The following SRP72 variants were observed in gnomAD, a reference collection of about 807,000 sequenced individuals.
SRP72 encodes signal recognition particle subunit SRP72.
SRP72 carries 49 observed loss-of-function variants against 96.3 expected under a neutral mutation model. The ratio of observed to expected loss-of-function variants is 0.51; its 90% confidence interval spans 0.40 to 0.65. The LOEUF is 0.65. SRP72 is among the 30% of genes least tolerant of loss of function. The probability of loss-of-function intolerance (pLI) is 0.00; values close to 1 mark genes in which losing one functional copy is unlikely to be tolerated. For synonymous variants in SRP72, 267 were observed against 275.2 expected (o/e 0.97, Z 0.30); for missense variants, 736 against 793.3 (o/e 0.93, Z 0.87).
intron 16 of SRP72, chr4:56,491,798 T>A (rs1578193846): frequency 2.6e-6 from 1 of 391,496 alleles, no homozygotes; most frequent in East Asian, 4.4e-5. Flanking sequence ...TTTCTTTGTG[T>A]TTACACACAC....
At chr4:56,495,767 C>G (rs912610205) in intron 17 of SRP72, among the ~76,000 whole-genome samples, 3 of 152,136 alleles carry the variant, frequency 2.0e-5, no homozygotes, top group African/African-American at 7.2e-5. Context: ...GATGTTTCTG[C>G]TACACATAAC....
intron 16 of SRP72, 194 bp downstream of exon 16, chr4:56,491,762 T>G (rs1455667231): frequency 4.3e-6 from 2 of 461,884 alleles, no homozygotes; most frequent in African/African-American, 4.0e-5. Context: ...CCTCTGGTAT[T>G]AATTTAATCT....
chr4:56,485,132 G>C (rs982126795), intron 10 of SRP72, among the ~76,000 whole-genome samples: 1 of 152,018 alleles, frequency 6.6e-6, no homozygotes, highest in Non-Finnish European at 1.5e-5. Context: ...CCTGAGTTAG[G>C]GGATCATTTA....
At chr4:56,479,273 G>A (rs920644285) in intron 8 of SRP72, among the ~76,000 whole-genome samples, 5 of 151,886 alleles carry the variant, frequency 3.3e-5, no homozygotes, top group Non-Finnish European at 7.4e-5. Context: ...TCCGCCTCCC[G>A]CGTTCACGCC....
chr4:56,468,175 G>A (rs1036965617), intron 1 of SRP72, among the ~76,000 whole-genome samples: 1 of 152,188 alleles, frequency 6.6e-6, no homozygotes, highest in African/African-American at 2.4e-5. Context: ...GCCGCTAAAG[G>A]GGGAGGAACC....
At chr4:56,490,104 T>G (rs1175283485) in intron 13 of SRP72, among the ~76,000 whole-genome samples, 1 of 152,160 alleles carries the variant, frequency 6.6e-6, no homozygotes, top group African/African-American at 2.4e-5. Flanking sequence ...TAAATAGATA[T>G]AGGTTGTTTT....
intron 11 of SRP72, 28 bp downstream of exon 11, chr4:56,486,425 T>C (rs1007060233): frequency 6.5e-7 from 1 of 1,534,324 alleles, no homozygotes; most frequent in African/African-American, 1.4e-5. Context: ...ATGATTAAAA[T>C]ATTTTAATGA....
chr4:56,490,176 C>T (rs1351969441), intron 13 of SRP72, among the ~76,000 whole-genome samples, 157 bp from the exon 14 acceptor site: 1 of 152,158 alleles, frequency 6.6e-6, no homozygotes, highest in East Asian at 1.9e-4. Context: ...CTTTCCTCTA[C>T]ATGTGTGGAT....
chr4:56,469,875 GT>G (rs1578172828), intron 2 of SRP72, 102 bp downstream of exon 2: 3 of 1,141,248 alleles, frequency 2.6e-6, no homozygotes, highest in African/African-American at 1.8e-5. Context: ...TTTTTTTAAC[GT>G]TTTTTTCCTT....
chr4:56,476,803 C>A, intron 6 of SRP72, 101 bp downstream of exon 6: 2 of 1,219,222 alleles, frequency 1.6e-6, no homozygotes, highest in Non-Finnish European at 2.3e-6. Context: ...TAGAAGATGG[C>A]AATTCATTAA....
intron 6 of SRP72, among the ~76,000 whole-genome samples, chr4:56,478,043 G>T (rs1053878872): frequency 6.6e-6 from 1 of 151,948 alleles, no homozygotes. Context: ...ATACTTCCAT[G>T]CTTGTTTTTT....
rs781766548 is a variant in SRP72, at chr4:56,478,662, TG to T, written c.825+14del. On this transcript the variant is annotated intron_variant, in intron 8 of 18. Transcript: ENST00000642900. ...TACCATTAACAAGGTATGGAGTATT[TG>T]TGCTTTCCATAGATATATTTTACCC... The T allele has an allele frequency of 3.1e-6, 5 of 1,610,632 alleles. No individual in the cohort carries two copies. The highest frequency in any genetic ancestry group is 4.2e-6 in the Non-Finnish European group (5 of 1,178,390).
Position 56,484,770 on chromosome 4 carries a change from A to G in SRP72, c.992A>G (p.Gln331Arg), listed in dbSNP as rs1029513210. The change falls in exon 10 of 19, where the codon CAG becomes CGG. Residue 331 changes from glutamine to arginine, a missense_variant. Physicochemically the swap from Gln to Arg is conservative, Grantham distance 43. Around this residue, in one of 3 missense-constraint regions of SRP72, gnomAD observed 388 missense variants for 431.8 expected, o/e 0.90. Transcript: ENST00000642900. ...TGCCGCAAAATATCTGCCAGTTTAC[A>G]GTCCCAAAGTCCCGAGCATCTCTTA... ...EQCRKISASL[Q>R]SQSPEHLLPV... is the part of the protein sequence containing the mutation. 8.1e-6 allele frequency: 13 copies of G among 1,614,182 alleles called. No individual in the cohort carries two copies. The highest frequency in any genetic ancestry group is 1.1e-5 in the Non-Finnish European group (13 of 1,180,038).
chr4:56,482,710 G>C (rs1362220204), intron 8 of SRP72, among the ~76,000 whole-genome samples: 1 of 152,146 alleles, frequency 6.6e-6, no homozygotes, highest in East Asian at 1.9e-4. Flanking sequence ...AAATTGCCAA[G>C]TTAGGTATTT....
At chr4:56,468,487 A>G (rs1291520647) in intron 1 of SRP72, among the ~76,000 whole-genome samples, 4 of 150,392 alleles carry the variant, frequency 2.7e-5, no homozygotes, top group Non-Finnish European at 5.9e-5. Flanking sequence ...GAATATGGCC[A>G]TGCTGCTTAA....
chr4:56,501,504 A>C (rs540580746), intron 18 of SRP72, among the ~76,000 whole-genome samples, 180 bp from the exon 19 acceptor site: 31 of 152,288 alleles, frequency 2.0e-4, no homozygotes, highest in African/African-American at 6.5e-4. Context: ...TTTCTTCAAT[A>C]AAAACAGTGA....
chr4:56,479,398 C>T (rs566887945), intron 8 of SRP72, among the ~76,000 whole-genome samples: 1 of 152,224 alleles, frequency 6.6e-6, no homozygotes, highest in Non-Finnish European at 1.5e-5. Flanking sequence ...CCAGGATGTT[C>T]TCATTCTCCC....
rs1182817121 is a variant in SRP72, at chr4:56,474,121, A to C, written c.422A>C (p.Asp141Ala). 6.2e-7 allele frequency: 1 copy of C among 1,614,190 alleles called. No homozygotes were observed. The highest frequency in any genetic ancestry group is 1.7e-5 in the Admixed American group (1 of 60,030). The change falls in exon 4 of 19, where the codon GAT (aspartate) becomes GCT (alanine). Residue 141 changes from aspartate to alanine, a missense_variant. Physicochemically the swap from Asp to Ala is moderately radical, Grantham distance 126. Transcript: ENST00000642900. The part of the protein sequence containing the change: ...VYRDLVRNSQ[D>A]DYDEERKTNL... The stretch of plus-strand genomic sequence containing the variant: ...AGAGATCTCGTCCGAAACTCCCAAG[A>C]TGATTATGATGAGGAGAGGAAAACA...
intron 8 of SRP72, among the ~76,000 whole-genome samples, chr4:56,479,606 A>G (rs895938825): frequency 6.6e-6 from 1 of 150,716 alleles, no homozygotes; most frequent in Non-Finnish European, 1.5e-5. Flanking sequence ...AGTCCTCCCA[A>G]GTACCTGGGA....
Sources: allele counts gnomAD v4.1 joint callset (sites outside exome capture counted in the v4.1 genomes callset), GRCh38; gene constraint gnomAD v4.1.1; regional missense constraint gnomAD v4.1.1; transcripts MANE v1.5; gene names NCBI Gene and HGNC (gene_info 2026-07-23, HGNC 2026-07-21).